ERP44: variants seen among roughly 807,000 people sequenced by gnomAD.
ERP44 encodes the protein endoplasmic reticulum protein 44, also known as endoplasmic reticulum resident protein 44.
A neutral mutation model predicts 53.4 loss-of-function variants in ERP44; 25 were observed. The observed-to-expected ratio is 0.47, with a 90% confidence interval of 0.34 to 0.65. The LOEUF is 0.65. ERP44 is among the 30% of genes least tolerant of loss of function. The pLI is 0.01. For missense variants in ERP44, 338 were observed against 493.2 expected (o/e 0.69, Z 2.98); for synonymous variants, 145 against 161.2 (o/e 0.90, Z 0.76).
chr9:100,059,077 TA>T (rs1826114729), intron 2 of ERP44, among the ~76,000 whole-genome samples: 1 of 152,188 alleles, frequency 6.6e-6, no homozygotes, highest in African/African-American at 2.4e-5. Flanking sequence ...TGATACATGC[TA>T]AAGTTCATGG....
intron 7 of ERP44, among the ~76,000 whole-genome samples, chr9:100,017,651 AT>A (rs1192140557): frequency 6.6e-6 from 1 of 152,252 alleles, no homozygotes; most frequent in Non-Finnish European, 1.5e-5. Flanking sequence ...AATTGAAAAA[AT>A]ATCCATAAAT....
At chr9:100,061,042 AG>A (rs1265582951) in intron 1 of ERP44, among the ~76,000 whole-genome samples, 46 of 152,224 alleles carry the variant, frequency 3.0e-4, no homozygotes, top group Admixed American at 3.0e-3. Context: ...TGAATACTTC[AG>A]CACTTATGAC....
Position 100,056,174 on chromosome 9 carries a change from TG to T in ERP44, c.170+1645del, listed in dbSNP as rs1826086621. On this transcript the variant is annotated intron_variant, in intron 3 of 11. Transcript: ENST00000262455. ...CAGACATCATCTAGTTGGGTAACCT[TG>T]GGAAAGTACTTCAATCCCCTGGATC... Among the ~76,000 whole-genome samples the T allele has an allele frequency of 4.6e-5, 7 of 152,322 alleles. No homozygotes were observed. The South Asian group carries it at 1.4e-3, about 32-fold the overall frequency.
chr9:100,074,100 T>C (rs1476772581), intron 1 of ERP44, among the ~76,000 whole-genome samples: 2 of 152,334 alleles, frequency 1.3e-5, no homozygotes, highest in East Asian at 3.9e-4. Flanking sequence ...CCATGATCCA[T>C]GCTTTTCAAC....
At position 99,982,017 on chromosome 9, in the gene ERP44, G is replaced by A. The variant is rs892804042; in HGVS notation, c.*595C>T. On this transcript the variant is annotated 3_prime_UTR_variant, in exon 12 of 12. Coordinates refer to ENST00000262455, the MANE Select transcript of ERP44 (RefSeq NM_015051.3). ...TTCATAAGGACAATTCCTGCCAAAT[G>A]TTCTGTCTTATGACTCTCCTCCACT... is the stretch of plus-strand genomic sequence containing the variant. 6.6e-6 allele frequency: 1 copy of A among 152,480 alleles called. No homozygotes were observed. Among genetic ancestry groups the A allele is most frequent in the East Asian group, 1.9e-4 (1 of 5,194 alleles). 9.4% of individuals were successfully genotyped at this position (152,480 alleles called of 1,614,324 possible).
At chr9:100,095,668 C>T (rs1291731181) in intron 1 of ERP44, among the ~76,000 whole-genome samples, 5 of 151,756 alleles carry the variant, frequency 3.3e-5, no homozygotes, top group Non-Finnish European at 7.4e-5. Context: ...TATTGGGCCC[C>T]GATATCATTT....
chr9:100,033,018 G>C (rs1227633816), intron 4 of ERP44, among the ~76,000 whole-genome samples: 2 of 152,152 alleles, frequency 1.3e-5, no homozygotes, highest in Non-Finnish European at 2.9e-5. Context: ...CTCTTCTTTT[G>C]AGCTATTAAC....
intron 1 of ERP44, among the ~76,000 whole-genome samples, chr9:100,088,725 T>A (rs1215933149): frequency 6.6e-6 from 1 of 152,146 alleles, no homozygotes; most frequent in African/African-American, 2.4e-5. Flanking sequence ...CAGAAGTTAA[T>A]AGGAAAATAG....
intron 8 of ERP44, among the ~76,000 whole-genome samples, chr9:100,011,153 T>TA (rs752755156): frequency 7.3e-4 from 111 of 151,388 alleles, no homozygotes; most frequent in Non-Finnish European, 9.3e-4. Flanking sequence ...AATTCTAAGT[T>TA]AAAAAAAAAC....
chr9:100,079,041 C>G (rs1027067568), intron 1 of ERP44, among the ~76,000 whole-genome samples: 3 of 152,040 alleles, frequency 2.0e-5, no homozygotes, highest in Non-Finnish European at 4.4e-5. Context: ...CACTGAGTGT[C>G]AACTTGATTG....
At chr9:100,086,879 T>A (rs1826490828) in intron 1 of ERP44, among the ~76,000 whole-genome samples, 1 of 152,076 alleles carries the variant, frequency 6.6e-6, no homozygotes, top group Non-Finnish European at 1.5e-5. Context: ...CAAACACATG[T>A]TTGAAGCATC....
intron 1 of ERP44, among the ~76,000 whole-genome samples, chr9:100,072,476 T>C (rs1826315794): frequency 6.6e-6 from 1 of 152,102 alleles, no homozygotes; most frequent in Non-Finnish European, 1.5e-5. Flanking sequence ...GGAAGAGAAC[T>C]CATTTTTCTA....
chr9:100,007,711 G>A (rs1830435632), intron 8 of ERP44, 22 bp from the exon 9 acceptor site: 1 of 1,224,152 alleles, frequency 8.2e-7, no homozygotes, highest in Middle Eastern at 1.9e-4. Flanking sequence ...AGCATTCAAT[G>A]AGAATTATCA....
chr9:100,024,876 A>G (rs945195935), intron 4 of ERP44, among the ~76,000 whole-genome samples: 2 of 152,224 alleles, frequency 1.3e-5, no homozygotes, highest in Admixed American at 6.5e-5. Context: ...TATTATCAGT[A>G]AGTTAATTCC....
intron 11 of ERP44, 152 bp from the exon 12 acceptor site, chr9:99,982,865 G>A: frequency 6.5e-6 from 3 of 461,458 alleles, no homozygotes; most frequent in East Asian, 7.1e-5. Context: ...ATATTTAAAT[G>A]TGAAATCTTG....
intron 6 of ERP44, 82 bp from the exon 7 acceptor site, chr9:100,018,395 T>C: frequency 3.7e-6 from 3 of 810,762 alleles, no homozygotes; most frequent in South Asian, 1.3e-5. Context: ...TATATACTTA[T>C]CCATCATCTT....
intron 1 of ERP44, among the ~76,000 whole-genome samples, chr9:100,069,170 C>T (rs994615966): frequency 1.3e-5 from 2 of 151,944 alleles, no homozygotes; most frequent in African/African-American, 4.8e-5. Context: ...CCGCAGGGTC[C>T]TCTGCCTAGG....
intron 4 of ERP44, among the ~76,000 whole-genome samples, chr9:100,050,579 C>G (rs1235346236): frequency 2.6e-5 from 4 of 152,258 alleles, no homozygotes; most frequent in African/African-American, 9.6e-5. Context: ...CTTACAATCT[C>G]TAAAGAGACT....
intron 1 of ERP44, among the ~76,000 whole-genome samples, chr9:100,090,119 T>A (rs10988968): frequency 0.47 from 70,764 of 152,036 alleles, 17,777 homozygotes; most frequent in East Asian, 0.91. Context: ...GAGGAATGAG[T>A]CCATTTGAGT....
Sources: gnomAD v4.1 joint callset for allele counts (sites outside exome capture counted in the v4.1 genomes callset) on GRCh38, gnomAD v4.1.1 for gene constraint, MANE v1.5 for transcripts, NCBI Gene and HGNC (gene_info 2026-07-23, HGNC 2026-07-21) for gene names.